Variants in ZBTB20 observed in about 807,000 individuals in gnomAD.
ZBTB20 encodes the protein zinc finger and BTB domain-containing protein 20.
In ZBTB20, 9 loss-of-function variants were observed where a neutral mutation model predicts 56.9. That is an observed-to-expected ratio of 0.16 (90% CI 0.10 to 0.28). The LOEUF is 0.28. Ranked by LOEUF, ZBTB20 falls within the 10% of genes least tolerant of loss-of-function variation. The probability of loss-of-function intolerance (pLI) is 1.00; values close to 1 mark genes in which losing one functional copy is unlikely to be tolerated. For synonymous variants in ZBTB20, 417 were observed against 420.7 expected (o/e 0.99, Z 0.11); for missense variants, 655 against 1,003.0 (o/e 0.65, Z 4.69).
intron 10 of ZBTB20, among the ~76,000 whole-genome samples, chr3:114,367,467 G>A (rs2082536268): frequency 6.6e-6 from 1 of 152,080 alleles, no homozygotes; most frequent in Admixed American, 6.5e-5. Flanking sequence ...CTATGTTGCT[G>A]AGGCTGGTCT....
chr3:114,738,208 T>A (rs1027715961), intron 5 of ZBTB20, among the ~76,000 whole-genome samples: 16 of 152,128 alleles, frequency 1.1e-4, no homozygotes, highest in Admixed American at 9.2e-4. Context: ...ATGGTAAATA[T>A]ATTTATCATT....
rs2079302528 is a variant in ZBTB20 at position 114,332,609 on chromosome 3, T to C, written c.*6396A>G. ...CATAGTCCTCAATCATGAATAGGGCTTGTTTTTGTGATAATGTAACTATTA... is the reference window on the plus strand; with the variant it reads ...CATAGTCCTCAATCATGAATAGGGCCTGTTTTTGTGATAATGTAACTATTA... On this transcript the variant is annotated 3_prime_UTR_variant, in exon 12 of 12. Transcript: ENST00000675478. The C allele has an allele frequency of 6.6e-6, 1 of 152,210 alleles. No homozygotes were observed. The highest frequency in any genetic ancestry group is 2.1e-4 in the South Asian group (1 of 4,828). The allele number at this position is 152,210 out of a possible 1,614,324, so 9.4% of individuals were successfully genotyped here. A position where few individuals can be genotyped will look rare whatever the true frequency, so the allele number is the denominator to read the frequency against.
intron 1 of ZBTB20, among the ~76,000 whole-genome samples, chr3:115,137,442 T>C (rs1056978163): frequency 6.6e-6 from 1 of 152,080 alleles, no homozygotes; most frequent in African/African-American, 2.4e-5. Context: ...CTGACTATAC[T>C]AAATATAATC....
chr3:115,146,925 A>T (rs6438232), intron 1 of ZBTB20, among the ~76,000 whole-genome samples: 1 of 147,430 alleles, frequency 6.8e-6, no homozygotes, highest in Non-Finnish European at 1.5e-5. Context: ...CCTCCCTCCC[A>T]CCTCCCCGCC....
chr3:115,050,614 GATTT>G (rs2081509583), intron 2 of ZBTB20, among the ~76,000 whole-genome samples: 1 of 151,970 alleles, frequency 6.6e-6, no homozygotes, highest in Non-Finnish European at 1.5e-5. Flanking sequence ...ATCTCTCAAT[GATTT>G]ATTAACTTTT....
chr3:115,074,643 T>G (rs2082530366), intron 1 of ZBTB20, among the ~76,000 whole-genome samples: 1 of 152,154 alleles, frequency 6.6e-6, no homozygotes. Flanking sequence ...TTGCAGACAT[T>G]GCACAACAGG....
rs537999816 is a variant in ZBTB20, at chr3:115,071,234, G to A, written c.-522C>T. On this transcript the variant is annotated 5_prime_UTR_variant, in exon 2 of 12. Coordinates refer to ENST00000675478, the MANE Select transcript of ZBTB20 (RefSeq NM_001348800.3). Reference sequence around the variant, plus strand: ...TCCTACTTACAGTGGCATGGATGACGGAGCAGAAATAGAGAATTCTTGATT... The same window carrying A: ...TCCTACTTACAGTGGCATGGATGACAGAGCAGAAATAGAGAATTCTTGATT... 3.3e-5 allele frequency: 5 copies of A among 152,162 alleles called. No homozygotes were observed. In the South Asian group the frequency reaches 6.2e-4, roughly 19 times the overall value. The allele number at this position is 152,162 out of a possible 1,614,324, so 9.4% of individuals were successfully genotyped here.
chr3:114,498,687 C>G (rs560783530), intron 7 of ZBTB20, among the ~76,000 whole-genome samples: 2 of 152,300 alleles, frequency 1.3e-5, no homozygotes, highest in East Asian at 3.9e-4. Context: ...GGTCACTCCC[C>G]CAGCCTTATG....
At chr3:114,706,321 T>G (rs4146334) in intron 5 of ZBTB20, among the ~76,000 whole-genome samples, 147,804 of 152,224 alleles carry the variant, frequency 0.97, 71,915 homozygotes, top group East Asian at 1. Flanking sequence ...ATTTAAGAAG[T>G]CTATTTGTGT....
At chr3:114,748,324 T>G (rs1416921514) in intron 5 of ZBTB20, among the ~76,000 whole-genome samples, 1 of 126,442 alleles carries the variant, frequency 7.9e-6, no homozygotes, top group African/African-American at 3.2e-5. Flanking sequence ...CTTTCTTTCT[T>G]TCTTTCTTTC....
intron 7 of ZBTB20, among the ~76,000 whole-genome samples, chr3:114,478,074 G>A (rs543288578): frequency 6.6e-6 from 1 of 150,994 alleles, no homozygotes; most frequent in Non-Finnish European, 1.5e-5. Flanking sequence ...CCTGCCTCCT[G>A]GGTTCATGAG....
intron 3 of ZBTB20, among the ~76,000 whole-genome samples, chr3:114,944,480 T>C (rs2076821811): frequency 6.9e-6 from 1 of 145,580 alleles, no homozygotes; most frequent in Non-Finnish European, 1.5e-5. Flanking sequence ...GACTTCAGGA[T>C]ATATATCCTG....
chr3:114,330,710 A>G lies in ZBTB20; in HGVS notation c.*8295T>C, dbSNP rs1352506895. 1 of 152,226 alleles carries G rather than the reference A, an allele frequency of 6.6e-6. No individual in the cohort carries two copies. Among genetic ancestry groups the G allele is most frequent in the Non-Finnish European group, 1.5e-5 (1 of 68,042 alleles). The allele number at this position is 152,226 out of a possible 1,614,324, so 9.4% of individuals were successfully genotyped here. A position where few individuals can be genotyped will look rare whatever the true frequency, so the allele number is the denominator to read the frequency against. On this transcript the variant is annotated 3_prime_UTR_variant, in exon 12 of 12. Coordinates refer to ENST00000675478, the MANE Select transcript of ZBTB20 (RefSeq NM_001348800.3). The stretch of plus-strand genomic sequence containing the variant: ...GAAGGGGAAAAGTCACCAGAATAGA[A>G]GAGGAAAGAAAATGTCCTCTGACTT...
intron 7 of ZBTB20, among the ~76,000 whole-genome samples, chr3:114,433,256 T>C (rs2090253975): frequency 6.6e-6 from 1 of 152,180 alleles, no homozygotes; most frequent in African/African-American, 2.4e-5. Flanking sequence ...AATCCCAGGA[T>C]ATCTGTGCTG....
At chr3:114,353,356 A>C (rs2080880567) in intron 10 of ZBTB20, among the ~76,000 whole-genome samples, 1 of 152,214 alleles carries the variant, frequency 6.6e-6, no homozygotes, top group Admixed American at 6.5e-5. Context: ...GGAAACTCTG[A>C]GTTCAATGAG....
intron 5 of ZBTB20, among the ~76,000 whole-genome samples, chr3:114,789,209 T>G (rs924643250): frequency 1.3e-5 from 2 of 152,234 alleles, no homozygotes; most frequent in Non-Finnish European, 2.9e-5. Context: ...CATATGTGTT[T>G]GTATGCATGT....
At chr3:115,121,593 T>A (rs1300749530) in intron 1 of ZBTB20, among the ~76,000 whole-genome samples, 2 of 152,018 alleles carry the variant, frequency 1.3e-5, no homozygotes, top group Non-Finnish European at 2.9e-5. Flanking sequence ...GGAACTATTG[T>A]CTATGGGGGA....
intron 5 of ZBTB20, among the ~76,000 whole-genome samples, chr3:114,764,708 G>C (rs1252858023): frequency 6.6e-6 from 1 of 152,084 alleles, no homozygotes; most frequent in African/African-American, 2.4e-5. Flanking sequence ...CCAATTTCTA[G>C]TATTTCTATG....
chr3:114,769,475 A>G (rs1383521491), intron 5 of ZBTB20, among the ~76,000 whole-genome samples: 3 of 149,654 alleles, frequency 2.0e-5, no homozygotes, highest in Non-Finnish European at 3.0e-5. Context: ...CCTGGTAAAT[A>G]GATAATATAC....
Sources: gnomAD v4.1 joint callset for allele counts (sites outside exome capture counted in the v4.1 genomes callset) on GRCh38, gnomAD v4.1.1 for gene constraint, MANE v1.5 for transcripts, NCBI Gene and HGNC (gene_info 2026-07-23, HGNC 2026-07-21) for gene names.